Variants in SHC2 observed in about 807,000 individuals in gnomAD.
SHC2 encodes the protein SHC-transforming protein 2.
SHC2 carries 62 observed loss-of-function variants against 60.6 expected under a neutral mutation model. That is an observed-to-expected ratio of 1.02 (90% CI 0.83 to 1.26). The LOEUF (loss-of-function observed/expected upper bound fraction) is 1.26, where lower values mean the gene tolerates loss of function less well. SHC2 is among the 50% of genes most tolerant of loss of function. SHC2 has a pLI of 0.00. For synonymous variants in SHC2, 375 were observed against 372.4 expected, an observed-to-expected ratio of 1.01 and a Z score of -0.08; for missense variants, 873 against 822.2, an observed-to-expected ratio of 1.06 and a Z score of -0.76.
At position 453,891 on chromosome 19, in the gene SHC2, G is replaced by C. The variant is rs988787010; in HGVS notation, c.468+6638C>G. Among the ~76,000 whole-genome samples, 4 of 152,206 alleles carry C rather than the reference G, an allele frequency of 2.6e-5. No homozygotes were observed. The South Asian group carries it at 6.2e-4, about 24-fold the overall frequency. On this transcript the variant is annotated intron_variant, in intron 1 of 12. Transcript: ENST00000264554. The surrounding 1 kb of genome is among the most constrained non-coding windows in gnomAD (Gnocchi z 6.3). ...GAGGTGCGTGAGGGCACCGCAGAGA[G>C]CAGGACGGCCTGACTCACGGGACTT...
chr19:438,564 C>T lies in SHC2; in HGVS notation c.720+154G>A, dbSNP rs1196940004. The stretch of plus-strand genomic sequence containing the variant: ...GAGCTGAGCCCCGTGAGGGCAGTGG[C>T]TGCACCCCCAGCTCCTGCTCAGCGG... On this transcript the variant is annotated intron_variant, in intron 4 of 12. Coordinates refer to ENST00000264554, the MANE Select transcript of SHC2 (RefSeq NM_012435.3). The surrounding 1 kb of genome is among the most constrained non-coding windows in gnomAD (Gnocchi z 5.0). Among the ~76,000 whole-genome samples the T allele has an allele frequency of 6.6e-6, 1 of 152,218 alleles. No individual in the cohort carries two copies.
At chr19:436,712 T>C in intron 4 of SHC2, 29 bp from the exon 5 acceptor site, 1 of 1,594,884 alleles carries the variant, frequency 6.3e-7, no homozygotes. Context: ...CACGCGGTCA[T>C]GGGGGCCCCG....
chr19:421,294 G>A (rs1974262784), intron 11 of SHC2, among the ~76,000 whole-genome samples: 1 of 151,898 alleles, frequency 6.6e-6, no homozygotes, highest in Non-Finnish European at 1.5e-5. Flanking sequence ...TAGGTACTGG[G>A]GAAGCTGAGG....
Position 438,995 on chromosome 19 carries a change from C to T in SHC2, c.575G>A (p.Gly192Asp). The change falls in exon 3 of 13, where the codon GGC (glycine) becomes GAC (aspartate). Residue 192 changes from glycine to aspartate, a missense_variant. Physicochemically the swap from Gly to Asp is moderately conservative, Grantham distance 94 (BLOSUM62 -1). Coordinates refer to ENST00000264554, the MANE Select transcript of SHC2 (RefSeq NM_012435.3). This position sits in a 1 kb window ranked among gnomAD's most constrained non-coding sequence, Gnocchi z 5.0. The part of the protein sequence containing the change: ...AINRLHEAVP[G>D]VRGSWKKKAP... ...CTTTTTCTTCCAGGATCCCCGGACG[C>T]CAGGCACGGCCTCATGGAGCCGGTT... 2 of 1,601,032 alleles carry T rather than the reference C, an allele frequency of 1.2e-6. No homozygotes were observed. The highest frequency in any genetic ancestry group is 1.1e-5 in the South Asian group (1 of 88,838).
intron 4 of SHC2, 57 bp from the exon 5 acceptor site, chr19:436,740 C>A: frequency 6.6e-7 from 1 of 1,509,522 alleles, no homozygotes; most frequent in Non-Finnish European, 9.0e-7. Context: ...GGCAGGGGGC[C>A]CGGCAGATGG....
At chr19:423,750 C>T (rs1600274710) in intron 10 of SHC2, among the ~76,000 whole-genome samples, 1 of 152,384 alleles carries the variant, frequency 6.6e-6, no homozygotes, top group Middle Eastern at 3.4e-3. Context: ...CTCCCCCTCC[C>T]AGCCAGCGAC....
intron 11 of SHC2, among the ~76,000 whole-genome samples, chr19:421,773 G>A (rs552869243): frequency 3.9e-5 from 6 of 152,160 alleles, no homozygotes; most frequent in South Asian, 4.2e-4. Context: ...AGCTGGGGAC[G>A]GTGGCTCACA....
At chr19:459,746 G>A (rs1248163592) in intron 1 of SHC2, among the ~76,000 whole-genome samples, 1 of 152,230 alleles carries the variant, frequency 6.6e-6, no homozygotes, top group Non-Finnish European at 1.5e-5. Context: ...AGGCCGGGAG[G>A]AGCTGGGAGC....
intron 1 of SHC2, among the ~76,000 whole-genome samples, chr19:442,818 G>A (rs1334089782): frequency 2.2e-4 from 31 of 139,670 alleles, no homozygotes; most frequent in East Asian, 1.8e-3. Flanking sequence ...TGAGTGGATG[G>A]GTGGATGGGT....
At chr19:419,387 A>C in intron 11 of SHC2, 1 of 258,376 alleles carries the variant, frequency 3.9e-6, no homozygotes, top group Non-Finnish European at 7.4e-6. Flanking sequence ...TAAACAGGTC[A>C]AGGGTCCTGG....
In SHC2 at chr19:422,231, C is replaced by T. The variant is rs372302756; in HGVS notation, c.1535G>A (p.Ser512Asn). 65 of 1,612,402 alleles carry T rather than the reference C, an allele frequency of 4.0e-5. No individual in the cohort carries two copies. The highest frequency in any genetic ancestry group is 5.1e-5 in the Non-Finnish European group (60 of 1,179,670). The change falls in exon 11 of 13, where the codon AGC becomes AAC. Residue 512 changes from serine (S) to asparagine (N), a missense_variant. Physicochemically the swap from Ser to Asn is conservative, Grantham distance 46 (BLOSUM62 1). Coordinates refer to ENST00000264554, the MANE Select transcript of SHC2 (RefSeq NM_012435.3). The surrounding 1 kb of genome is among the most constrained non-coding windows in gnomAD (Gnocchi z 5.0). ...RADGDFLVRD[S>N]VTNPGQYVLT... ...GACATACTGCCCGGGGTTGGTGACG[C>T]TGTCTCGCACAAGGAAGTCCCCGTC... is the stretch of plus-strand genomic sequence containing the variant.
At position 438,711 on chromosome 19, in the gene SHC2, G is replaced by T; in HGVS notation, c.720+7C>A. ...CTGGGGACGCCAGGCGAAGAGGGCA[G>T]ACCCACCTGGCGCGTGGCAGGCACG... On this transcript the variant is annotated splice_region_variant and intron_variant, in intron 4 of 12. Coordinates refer to ENST00000264554, the MANE Select transcript of SHC2 (RefSeq NM_012435.3). The surrounding 1 kb of genome is among the most constrained non-coding windows in gnomAD (Gnocchi z 5.0). 6.4e-7 allele frequency: 1 copy of T among 1,552,754 alleles called. No homozygotes were observed. The highest frequency in any genetic ancestry group is 1.2e-5 in the South Asian group (1 of 84,112).
intron 4 of SHC2, among the ~76,000 whole-genome samples, chr19:437,062 G>A (rs1374553740): frequency 1.3e-5 from 2 of 152,068 alleles, no homozygotes; most frequent in Non-Finnish European, 2.9e-5. Context: ...AAGCAGCCAC[G>A]GGAGGGACGG....
chr19:444,022 T>C (rs1211052745), intron 1 of SHC2, among the ~76,000 whole-genome samples: 2 of 144,850 alleles, frequency 1.4e-5, no homozygotes, highest in African/African-American at 2.6e-5. Flanking sequence ...GGTGGATGGA[T>C]GTGTAGGTGG....
chr19:452,487 G>A (rs1373453954), intron 1 of SHC2, among the ~76,000 whole-genome samples: 1 of 128,540 alleles, frequency 7.8e-6, no homozygotes, highest in Non-Finnish European at 1.6e-5. Context: ...TTGGGGCATC[G>A]TACTGACTTG....
intron 1 of SHC2, among the ~76,000 whole-genome samples, chr19:458,414 G>A (rs532809021): frequency 1.5e-5 from 2 of 137,638 alleles, no homozygotes; most frequent in East Asian, 4.4e-4. Flanking sequence ...GCGGAAGCGG[G>A]TCCTGGGGAG....
In SHC2 at chr19:425,169, GGTGCTCCTC is replaced by G. The variant is rs752638221; in HGVS notation, c.1228_1236del (p.Glu410_His412del). 7.4e-7 allele frequency: 1 copy of G among 1,360,304 alleles called. No individual in the cohort carries two copies. The highest frequency in any genetic ancestry group is 9.5e-7 in the Non-Finnish European group (1 of 1,047,570). 84.3% of individuals were successfully genotyped at this position (1,360,304 alleles called of 1,614,324 possible). On this transcript the variant is annotated inframe_deletion, in exon 10 of 13. Transcript: ENST00000264554. The surrounding 1 kb of genome is among the most constrained non-coding windows in gnomAD (Gnocchi z 4.1). ...TCCAGACCCTGGGTGTTGACATACA[GGTGCTCCTC>G]GTGGTCCGGGGGGCCCCGGGCGTCC...
intron 11 of SHC2, among the ~76,000 whole-genome samples, chr19:421,181 GA>G (rs1379919938): frequency 6.6e-6 from 1 of 151,698 alleles, no homozygotes; most frequent in Non-Finnish European, 1.5e-5. Context: ...GGTGGATCAC[GA>G]GGTCAGAAGT....
At chr19:419,696 G>A (rs2145685345) in intron 11 of SHC2, 1 of 152,384 alleles carries the variant, frequency 6.6e-6, no homozygotes, top group Admixed American at 6.5e-5. Context: ...TGGTCATTTG[G>A]TTTGCAGCTC....
Sources: allele counts gnomAD v4.1 joint callset (sites outside exome capture counted in the v4.1 genomes callset), GRCh38; gene constraint gnomAD v4.1.1; non-coding constraint Gnocchi (gnomAD v3.1); transcripts MANE v1.5; gene names NCBI Gene and HGNC (gene_info 2026-07-23, HGNC 2026-07-21).